BMERB1: variants seen among roughly 807,000 people sequenced by gnomAD.
BMERB1 encodes the protein bMERB domain containing 1.
Under a neutral mutation model 23.6 loss-of-function variants are expected in BMERB1, and 12 were observed. The ratio of observed to expected loss-of-function variants is 0.51; its 90% CI spans 0.33 to 0.82. The LOEUF is 0.82. BMERB1 is among the 40% of genes least tolerant of loss of function. BMERB1 has a pLI of 0.03. For missense variants in BMERB1, 247 were observed against 255.4 expected (o/e 0.97, Z 0.22); for synonymous variants, 122 against 96.6 (o/e 1.26, Z -1.54).
intron 2 of BMERB1, among the ~76,000 whole-genome samples, chr16:15,532,544 C>CTTTTTTTTTTTTTTTTTTT (rs58964968): frequency 2.2e-5 from 2 of 91,832 alleles, no homozygotes; most frequent in Admixed American, 1.4e-4. Context: ...TTTTCTTTTT[C>CTTTTTTTTTTTTTTTTTTT]TTTTTTTTTT....
chr16:15,443,152 G>A (rs144786661), intron 1 of BMERB1, among the ~76,000 whole-genome samples: 2,244 of 152,162 alleles, frequency 0.015, 62 homozygotes, highest in African/African-American at 0.052. Context: ...GGAGGCTGAG[G>A]CAGGAGGATC....
intron 1 of BMERB1, among the ~76,000 whole-genome samples, chr16:15,439,245 G>C (rs1430014186): frequency 1.3e-5 from 2 of 152,118 alleles, no homozygotes; most frequent in Middle Eastern, 3.2e-3. Flanking sequence ...GCTGTCACTT[G>C]GTAGATTTGT....
rs2031172543 is a variant in BMERB1, at chr16:15,587,257, C to A, written c.*428C>A. ...ACGTTCCCCATCCACCCTCCTAGCTCTGCTCTCAGAGCTAGGCACATGGGC... is the reference window on the plus strand; with the variant it reads ...ACGTTCCCCATCCACCCTCCTAGCTATGCTCTCAGAGCTAGGCACATGGGC... On this transcript the variant is annotated 3_prime_UTR_variant, in exon 6 of 6. Transcript: ENST00000300006. The A allele has an allele frequency of 4.3e-6, 1 of 230,672 alleles. No homozygotes were observed. The highest frequency in any genetic ancestry group is 8.9e-6 in the Non-Finnish European group (1 of 111,948). 14.3% of individuals were successfully genotyped at this position (230,672 alleles called of 1,614,324 possible).
chr16:15,450,965 A>C (rs2051036476), intron 1 of BMERB1, among the ~76,000 whole-genome samples: 1 of 152,172 alleles, frequency 6.6e-6, no homozygotes, highest in African/African-American at 2.4e-5. Context: ...TTTCACACAC[A>C]AGAGACAGGA....
At chr16:15,516,669 C>G (rs1041033246) in intron 2 of BMERB1, among the ~76,000 whole-genome samples, 3 of 148,170 alleles carry the variant, frequency 2.0e-5, no homozygotes, top group African/African-American at 7.5e-5. Context: ...CTCCCCTATT[C>G]TTTCACTGAT....
chr16:15,562,567 T>C (rs1463877716), intron 2 of BMERB1, among the ~76,000 whole-genome samples: 2 of 152,194 alleles, frequency 1.3e-5, no homozygotes, highest in Non-Finnish European at 2.9e-5. Flanking sequence ...GCTCACTTTC[T>C]GTTGTGGGAG....
intron 3 of BMERB1, among the ~76,000 whole-genome samples, chr16:15,572,238 A>AC (rs35421346): frequency 0.083 from 12,637 of 151,666 alleles, 1,578 homozygotes; most frequent in African/African-American, 0.27. Flanking sequence ...CAATAATACT[A>AC]CCCCCCGCAT....
At chr16:15,482,700 C>G (rs2051332442) in intron 1 of BMERB1, among the ~76,000 whole-genome samples, 1 of 152,034 alleles carries the variant, frequency 6.6e-6, no homozygotes, top group African/African-American at 2.4e-5. Flanking sequence ...AGGATTCTCC[C>G]ATGTTTAAAA....
At chr16:15,548,815 T>A (rs1210242969) in intron 2 of BMERB1, among the ~76,000 whole-genome samples, 8 of 152,200 alleles carry the variant, frequency 5.3e-5, no homozygotes. Flanking sequence ...CTTCTGCTGG[T>A]GCAATGACTC....
intron 1 of BMERB1, among the ~76,000 whole-genome samples, chr16:15,483,332 T>G (rs1053540750): frequency 1.3e-5 from 2 of 152,198 alleles, no homozygotes; most frequent in Non-Finnish European, 2.9e-5. Context: ...TTCCCTCTAC[T>G]AGGAGGCACT....
chr16:15,529,305 C>T (rs912864356), intron 2 of BMERB1, among the ~76,000 whole-genome samples: 4 of 152,120 alleles, frequency 2.6e-5, no homozygotes, highest in East Asian at 3.9e-4. Flanking sequence ...GGATTACAGG[C>T]GTGAGCCACC....
intron 1 of BMERB1, among the ~76,000 whole-genome samples, chr16:15,514,969 C>G (rs778180766): frequency 1.2e-4 from 18 of 152,132 alleles, no homozygotes; most frequent in Admixed American, 3.3e-4. Context: ...GTAGTCCCAG[C>G]TACTCGGGAG....
At chr16:15,521,531 C>T (rs961748914) in intron 2 of BMERB1, among the ~76,000 whole-genome samples, 1 of 152,156 alleles carries the variant, frequency 6.6e-6, no homozygotes, top group African/African-American at 2.4e-5. Flanking sequence ...CACCCACTTG[C>T]CCTGAATCAG....
intron 1 of BMERB1, among the ~76,000 whole-genome samples, chr16:15,501,103 A>G (rs1226063239): frequency 6.6e-6 from 1 of 152,152 alleles, no homozygotes; most frequent in Non-Finnish European, 1.5e-5. Flanking sequence ...GGATTAAATA[A>G]AATATGTTAG....
intron 2 of BMERB1, among the ~76,000 whole-genome samples, chr16:15,534,103 G>A (rs1327131610): frequency 6.6e-6 from 1 of 151,616 alleles, no homozygotes; most frequent in African/African-American, 2.4e-5. Flanking sequence ...ACTCCCACAG[G>A]TCATTTGAGG....
intron 1 of BMERB1, among the ~76,000 whole-genome samples, chr16:15,493,610 A>C (rs1156998844): frequency 6.6e-6 from 1 of 151,260 alleles, no homozygotes; most frequent in Non-Finnish European, 1.5e-5. Flanking sequence ...CCATGATCTG[A>C]CTCTCCCTCT....
intron 2 of BMERB1, among the ~76,000 whole-genome samples, chr16:15,562,984 T>C (rs2030465214): frequency 6.6e-6 from 1 of 152,198 alleles, no homozygotes; most frequent in African/African-American, 2.4e-5. Flanking sequence ...ATGGACAGCA[T>C]GAGTTGTTCT....
chr16:15,473,714 C>T (rs1344292191), intron 1 of BMERB1, among the ~76,000 whole-genome samples: 1 of 152,198 alleles, frequency 6.6e-6, no homozygotes, highest in Non-Finnish European at 1.5e-5. Flanking sequence ...ATAGAATTCA[C>T]AATTCATAAT....
chr16:15,435,347 G>A (rs1236552684), intron 1 of BMERB1, among the ~76,000 whole-genome samples: 2 of 152,218 alleles, frequency 1.3e-5, no homozygotes, highest in African/African-American at 4.8e-5. Context: ...CTCAGTTAAA[G>A]TCTGCTTGGG....
Sources: gnomAD v4.1 joint callset for allele counts (sites outside exome capture counted in the v4.1 genomes callset) on GRCh38, gnomAD v4.1.1 for gene constraint, MANE v1.5 for transcripts, NCBI Gene and HGNC (gene_info 2026-07-23, HGNC 2026-07-21) for gene names.